Variants in LDLRAD3 observed in about 807,000 individuals in gnomAD.
LDLRAD3 encodes low density lipoprotein receptor class A domain containing 3.
LDLRAD3 carries 20 observed loss-of-function variants against 29.4 expected under a neutral mutation model. That is an observed-to-expected ratio of 0.68 (90% CI 0.48 to 0.99). LDLRAD3 has a LOEUF of 0.99. Ranked by LOEUF, LDLRAD3 falls within the 50% of genes least tolerant of loss-of-function variation. The pLI, the probability that LDLRAD3 is intolerant of heterozygous loss-of-function variation, is 0.00. For synonymous variants in LDLRAD3, 157 were observed against 192.7 expected (o/e 0.81, Z 1.53); for missense variants, 420 against 454.3 (o/e 0.92, Z 0.69).
intron 1 of LDLRAD3, among the ~76,000 whole-genome samples, chr11:35,975,639 G>A (rs1851466160): frequency 6.6e-6 from 1 of 152,148 alleles, no homozygotes; most frequent in Non-Finnish European, 1.5e-5. Context: ...TGGGTTAAAG[G>A]AAGTTAAAAA....
At chr11:36,071,993 A>G (rs1852912906) in intron 2 of LDLRAD3, among the ~76,000 whole-genome samples, 1 of 152,200 alleles carries the variant, frequency 6.6e-6, no homozygotes, top group Non-Finnish European at 1.5e-5. Flanking sequence ...CTGTCTTTGT[A>G]TGTTCCTCCA....
intron 1 of LDLRAD3, among the ~76,000 whole-genome samples, chr11:35,963,389 A>G (rs988731895): frequency 2.6e-5 from 4 of 151,170 alleles, no homozygotes; most frequent in Admixed American, 6.6e-5. Flanking sequence ...CCCCTCATTC[A>G]TTACAATTGT....
chr11:36,154,634 G>A (rs889781982), intron 4 of LDLRAD3, among the ~76,000 whole-genome samples: 1 of 152,168 alleles, frequency 6.6e-6, no homozygotes, highest in African/African-American at 2.4e-5. Context: ...CATACTGCCT[G>A]TAGCCTCCCA....
At chr11:35,952,042 C>T (rs1220113644) in intron 1 of LDLRAD3, among the ~76,000 whole-genome samples, 4 of 152,212 alleles carry the variant, frequency 2.6e-5, no homozygotes, top group South Asian at 4.1e-4. Flanking sequence ...GGTGTGTGTA[C>T]ATACTATAAT....
At chr11:36,116,844 C>CT (rs58819693) in intron 4 of LDLRAD3, among the ~76,000 whole-genome samples, 3,189 of 136,958 alleles carry the variant, frequency 0.023, 152 homozygotes, top group African/African-American at 0.08. Context: ...TTCTTTTTTT[C>CT]TTTTTTTTTT....
chr11:36,153,105 A>G (rs1854299370), intron 4 of LDLRAD3, among the ~76,000 whole-genome samples: 1 of 151,930 alleles, frequency 6.6e-6, no homozygotes, highest in Non-Finnish European at 1.5e-5. Context: ...AGGATCTCCA[A>G]CAAAGGGGTT....
At chr11:36,140,993 T>TCTCTCC (rs1854075112) in intron 4 of LDLRAD3, among the ~76,000 whole-genome samples, 2 of 2,520 alleles carry the variant, frequency 7.9e-4, no homozygotes, top group Non-Finnish European at 1.7e-3. Flanking sequence ...TGTTGAGCTT[T>TCTCTCC]CTCTCTCTCT....
rs2942396 is a variant in LDLRAD3, at chr11:35,953,584, C to G, written c.46+9440C>G. ...TTTAGCCTTGAATCAGAGCAGTGTT[C>G]TCCAGGCGTCGTTAAACTAATTGGA... is the stretch of plus-strand genomic sequence containing the variant. On this transcript the variant is annotated intron_variant, in intron 1 of 5. Coordinates refer to ENST00000315571, the MANE Select transcript of LDLRAD3 (RefSeq NM_174902.4). 5.2e-3 allele frequency among the ~76,000 whole-genome samples: 790 copies of G among 152,280 alleles called. 6 individuals carry two copies. Among genetic ancestry groups the G allele is most frequent in the African/African-American group, 0.018 (750 of 41,556 alleles).
At chr11:36,068,201 G>A (rs1852828948) in intron 2 of LDLRAD3, among the ~76,000 whole-genome samples, 1 of 152,160 alleles carries the variant, frequency 6.6e-6, no homozygotes, top group Admixed American at 6.5e-5. Context: ...AACTGAAAGA[G>A]CAAAGCCTTA....
chr11:36,070,177 G>A (rs1332639132), intron 2 of LDLRAD3, among the ~76,000 whole-genome samples: 1 of 152,198 alleles, frequency 6.6e-6, no homozygotes, highest in Non-Finnish European at 1.5e-5. Context: ...GTAATAGAAT[G>A]CTTAGGAATA....
At chr11:35,990,600 G>A (rs1851676027) in intron 1 of LDLRAD3, among the ~76,000 whole-genome samples, 1 of 151,066 alleles carries the variant, frequency 6.6e-6, no homozygotes, top group Non-Finnish European at 1.5e-5. Flanking sequence ...TTTTTTAGTA[G>A]AGATGGGGTT....
chr11:36,159,204 A>T (rs527740599), intron 4 of LDLRAD3, among the ~76,000 whole-genome samples: 1 of 152,314 alleles, frequency 6.6e-6, no homozygotes, highest in South Asian at 2.1e-4. Flanking sequence ...GTGGTCGTTC[A>T]TGGCTGTAAT....
At position 35,947,553 on chromosome 11, in the gene LDLRAD3, G is replaced by A. The variant is rs1037402324; in HGVS notation, c.46+3409G>A. On this transcript the variant is annotated intron_variant, in intron 1 of 5. Transcript: ENST00000315571. ...CCTTTACAACCTTGCCTGTTTCTGT[G>A]GGCAAGGGAAAGAGAGGGAACCCAC... Among the ~76,000 whole-genome samples, 3 of 151,778 alleles carry A rather than the reference G, an allele frequency of 2.0e-5. No homozygotes were observed. The East Asian group carries it at 5.8e-4, about 29-fold the overall frequency.
chr11:36,118,462 C>T (rs1042692066), intron 4 of LDLRAD3, among the ~76,000 whole-genome samples: 4 of 151,638 alleles, frequency 2.6e-5, no homozygotes, highest in Non-Finnish European at 5.9e-5. Context: ...ATTTGACACA[C>T]ATGTCTCCAA....
intron 4 of LDLRAD3, among the ~76,000 whole-genome samples, chr11:36,121,355 G>A (rs761878134): frequency 2.6e-5 from 4 of 152,018 alleles, no homozygotes; most frequent in Admixed American, 6.5e-5. Flanking sequence ...GGAGAGAGGT[G>A]GGGTGGTGGA....
chr11:36,223,675 G>A (rs1211870853), intron 4 of LDLRAD3, among the ~76,000 whole-genome samples: 2 of 151,900 alleles, frequency 1.3e-5, no homozygotes, highest in Non-Finnish European at 2.9e-5. Context: ...CCAAGATCGC[G>A]CCACTGCACT....
intron 4 of LDLRAD3, among the ~76,000 whole-genome samples, chr11:36,169,860 G>C (rs1002923139): frequency 6.6e-6 from 1 of 152,064 alleles, no homozygotes; most frequent in Non-Finnish European, 1.5e-5. Flanking sequence ...TTAGGTTTTT[G>C]TATTTTTTAA....
At chr11:36,108,319 C>CAAAAAAAAAAAAAAAAAAAAAA (rs60376519) in intron 4 of LDLRAD3, among the ~76,000 whole-genome samples, 1 of 48,978 alleles carries the variant, frequency 2.0e-5, no homozygotes, top group African/African-American at 8.1e-5. Flanking sequence ...GACTCCATCT[C>CAAAAAAAAAAAAAAAAAAAAAA]AAAAAAAAAA....
intron 4 of LDLRAD3, among the ~76,000 whole-genome samples, chr11:36,123,935 G>A (rs921116937): frequency 6.6e-6 from 1 of 152,228 alleles, no homozygotes; most frequent in Non-Finnish European, 1.5e-5. Context: ...CAAAATTACC[G>A]TAAGTCAGCG....
Sources: gnomAD v4.1 joint callset for allele counts (sites outside exome capture counted in the v4.1 genomes callset) on GRCh38, gnomAD v4.1.1 for gene constraint, MANE v1.5 for transcripts, NCBI Gene and HGNC (gene_info 2026-07-23, HGNC 2026-07-21) for gene names.